Variants in SLC22A2 observed in about 807,000 individuals in gnomAD.
The protein encoded by SLC22A2 is solute carrier family 22 member 2.
SLC22A2 carries 46 observed loss-of-function variants against 60.5 expected under a neutral mutation model. The observed-to-expected ratio is 0.76, with a 90% CI of 0.60 to 0.97. The LOEUF (loss-of-function observed/expected upper bound fraction) is 0.97, where lower values mean the gene tolerates loss of function less well. Ranked by LOEUF, SLC22A2 falls within the 50% of genes least tolerant of loss-of-function variation. The pLI is 0.00. For missense variants in SLC22A2, 701 were observed against 706.6 expected, an observed-to-expected ratio of 0.99 and a Z score of 0.09; for synonymous variants, 303 against 267.0, an observed-to-expected ratio of 1.13 and a Z score of -1.31.
intron 9 of SLC22A2, among the ~76,000 whole-genome samples, chr6:160,228,242 T>G (rs903945089): frequency 6.6e-6 from 1 of 152,202 alleles, no homozygotes; most frequent in Admixed American, 6.5e-5. Context: ...GGGAGGATAC[T>G]GAGGAGACCT....
intron 9 of SLC22A2, among the ~76,000 whole-genome samples, chr6:160,225,849 C>A (rs1451277295): frequency 6.6e-6 from 1 of 152,228 alleles, no homozygotes; most frequent in South Asian, 2.1e-4. Context: ...TAATCGACTT[C>A]ATCTTGCTTC....
chr6:160,257,441 G>GA (rs971772714), intron 1 of SLC22A2, among the ~76,000 whole-genome samples: 1 of 152,064 alleles, frequency 6.6e-6, no homozygotes, highest in Non-Finnish European at 1.5e-5. Context: ...GTGGCCTGGG[G>GA]AAAAACCTTC....
intron 9 of SLC22A2, among the ~76,000 whole-genome samples, chr6:160,234,125 C>G (rs1024554024): frequency 2.0e-5 from 3 of 151,728 alleles, no homozygotes. Flanking sequence ...ACATTGTGAC[C>G]CCCGCCCCTG....
intron 9 of SLC22A2, among the ~76,000 whole-genome samples, chr6:160,227,025 A>C (rs1412415335): frequency 1.3e-5 from 2 of 152,172 alleles, no homozygotes; most frequent in Admixed American, 6.5e-5. Flanking sequence ...AGACAAAAAA[A>C]ATTAAAATAT....
At chr6:160,224,219 G>T (rs560382424) in intron 10 of SLC22A2, among the ~76,000 whole-genome samples, 1 of 151,780 alleles carries the variant, frequency 6.6e-6, no homozygotes, top group Non-Finnish European at 1.5e-5. Flanking sequence ...TATGAAGGAA[G>T]TTGAGCATAT....
intron 4 of SLC22A2, among the ~76,000 whole-genome samples, chr6:160,248,153 T>G (rs2114867893): frequency 6.6e-6 from 1 of 152,192 alleles, no homozygotes; most frequent in Middle Eastern, 3.4e-3. Flanking sequence ...CAATTTGGAG[T>G]TGGGGCCTGT....
chr6:160,227,621 A>G (rs1782744287), intron 9 of SLC22A2, among the ~76,000 whole-genome samples: 1 of 152,180 alleles, frequency 6.6e-6, no homozygotes, highest in Non-Finnish European at 1.5e-5. Flanking sequence ...CTCAGAATAA[A>G]CTCTTTAAAT....
At chr6:160,233,370 C>A (rs1179456811) in intron 9 of SLC22A2, among the ~76,000 whole-genome samples, 1 of 151,826 alleles carries the variant, frequency 6.6e-6, no homozygotes, top group Non-Finnish European at 1.5e-5. Context: ...AGCAGTTTCT[C>A]AGGCTCTTGG....
intron 5 of SLC22A2, among the ~76,000 whole-genome samples, chr6:160,245,918 A>G (rs1583398775): frequency 7.2e-6 from 1 of 139,018 alleles, no homozygotes; most frequent in Non-Finnish European, 1.5e-5. Flanking sequence ...CCCAGGCTGG[A>G]GTGCAGTGGC....
chr6:160,224,243 A>G (rs183704768), intron 10 of SLC22A2, among the ~76,000 whole-genome samples: 2 of 151,924 alleles, frequency 1.3e-5, no homozygotes, highest in Non-Finnish European at 2.9e-5. Flanking sequence ...CATATATTTA[A>G]GAGCTGTTTT....
At chr6:160,242,430 C>T (rs755455327) in intron 7 of SLC22A2, 28 bp from the exon 8 acceptor site, 37 of 1,201,270 alleles carry the variant, frequency 3.1e-5, no homozygotes, top group South Asian at 4.8e-5. Context: ...AGTACTTATC[C>T]GTACACAGAT....
At chr6:160,247,630 G>C (rs1783116587) in intron 4 of SLC22A2, among the ~76,000 whole-genome samples, 1 of 152,180 alleles carries the variant, frequency 6.6e-6, no homozygotes, top group African/African-American at 2.4e-5. Flanking sequence ...CTGGATGCTG[G>C]AGTATGCAAA....
At chr6:160,218,316 AAAC>A (rs1782574510) in intron 10 of SLC22A2, 4 of 188,868 alleles carry the variant, frequency 2.1e-5, no homozygotes, top group Non-Finnish European at 4.0e-5. Flanking sequence ...ACAGCAGCAG[AAAC>A]AACAACAGTA....
chr6:160,227,931 C>T (rs1421823900), intron 9 of SLC22A2, among the ~76,000 whole-genome samples: 1 of 152,208 alleles, frequency 6.6e-6, no homozygotes. Flanking sequence ...TGACAGTTTA[C>T]AAATGCCATG....
At chr6:160,235,088 G>A (rs1398450950) in intron 9 of SLC22A2, among the ~76,000 whole-genome samples, 2 of 152,164 alleles carry the variant, frequency 1.3e-5, no homozygotes, top group African/African-American at 2.4e-5. Context: ...GAAAAACAGA[G>A]GAGACATCAC....
chr6:160,258,691 A>G lies in SLC22A2; in HGVS notation c.67T>C (p.Phe23Leu). 1.9e-6 allele frequency: 3 copies of G among 1,606,738 alleles called. 1 individual carries two copies. In the South Asian group the frequency reaches 3.3e-5, roughly 18 times the overall value. ...GEFHFFQKQM[F>L]FLLALLSATF... Reference sequence around the variant, plus strand: ...GCCGAGAGCAGAGCCAAGAGGAAAAACATTTGCTTCTGGAAAAAGTGAAAC... The same window carrying G: ...GCCGAGAGCAGAGCCAAGAGGAAAAGCATTTGCTTCTGGAAAAAGTGAAAC... The change falls in exon 1 of 11, where the codon TTT becomes CTT. Residue 23 changes from phenylalanine to leucine, a missense_variant. Physicochemically the swap from Phe to Leu is conservative, Grantham distance 22. Transcript: ENST00000366953.
rs1323053221 is a variant in SLC22A2 at position 160,256,614 on chromosome 6, C to T, written c.518G>A (p.Arg173Lys). The T allele has an allele frequency of 2.5e-6, 4 of 1,604,228 alleles. No homozygotes were observed. Among genetic ancestry groups the T allele is most frequent in the Non-Finnish European group, 3.4e-6 (4 of 1,171,182 alleles). ...TTCCACCACAGGTGATTCAACCTACCTGTCTGCTATGTAGCCGATACTCAT... is the reference window on the plus strand; with the variant it reads ...TTCCACCACAGGTGATTCAACCTACTTGTCTGCTATGTAGCCGATACTCAT... The part of the protein sequence containing the change: ...GSMSIGYIAD[R>K]FGRKLCLLTT... The change falls in exon 2 of 11, where the codon AGG (arginine) becomes AAG (lysine). Residue 173 changes from arginine to lysine, a missense_variant and splice_region_variant. Physicochemically the swap from Arg to Lys is conservative, Grantham distance 26 (BLOSUM62 2). Transcript: ENST00000366953.
At chr6:160,228,967 G>C (rs1261750110) in intron 9 of SLC22A2, among the ~76,000 whole-genome samples, 3 of 151,634 alleles carry the variant, frequency 2.0e-5, no homozygotes, top group African/African-American at 7.3e-5. Context: ...TTTGGACTCA[G>C]ACCTCCTGCA....
intron 9 of SLC22A2, among the ~76,000 whole-genome samples, chr6:160,234,060 C>G (rs1156373983): frequency 6.6e-6 from 1 of 152,112 alleles, no homozygotes; most frequent in East Asian, 1.9e-4. Flanking sequence ...GATGATATTA[C>G]CTTGTGAAAT....
Sources: allele counts gnomAD v4.1 joint callset (sites outside exome capture counted in the v4.1 genomes callset), GRCh38; gene constraint gnomAD v4.1.1; transcripts MANE v1.5; gene names NCBI Gene and HGNC (gene_info 2026-07-23, HGNC 2026-07-21).